ALK: variants seen among roughly 807,000 people sequenced by gnomAD.
ALK encodes ALK tyrosine kinase receptor.
A neutral mutation model predicts 163.1 loss-of-function variants in ALK; 74 were observed. The observed-to-expected ratio is 0.45, with a 90% CI of 0.38 to 0.55. The LOEUF (loss-of-function observed/expected upper bound fraction) is 0.55, where lower values mean the gene tolerates loss of function less well. Among genes scored for constraint, ALK ranks in the 20% least tolerant of loss-of-function variants. The probability of loss-of-function intolerance (pLI) is 0.00; values close to 1 mark genes in which losing one functional copy is unlikely to be tolerated. For missense variants in ALK, 2,063 were observed against 2,105.3 expected (o/e 0.98, Z 0.39); for synonymous variants, 960 against 843.2 (o/e 1.14, Z -2.40).
chr2:29,716,272 G>A (rs1341178374), intron 2 of ALK, among the ~76,000 whole-genome samples: 1 of 152,162 alleles, frequency 6.6e-6, no homozygotes, highest in African/African-American at 2.4e-5. Context: ...ATAAATATGA[G>A]GCTGGTGCAA....
intron 2 of ALK, among the ~76,000 whole-genome samples, chr2:29,713,196 C>A (rs892316896): frequency 6.6e-6 from 1 of 152,178 alleles, no homozygotes; most frequent in African/African-American, 2.4e-5. Flanking sequence ...CCTGTGTTTT[C>A]TCTTCTTATA....
chr2:29,565,729 C>T (rs1674163335), intron 3 of ALK, among the ~76,000 whole-genome samples: 1 of 152,180 alleles, frequency 6.6e-6, no homozygotes, highest in South Asian at 2.1e-4. Flanking sequence ...CGCCTCAGCA[C>T]ACTGCACAGC....
intron 4 of ALK, among the ~76,000 whole-genome samples, chr2:29,436,162 GTC>G (rs1387224375): frequency 2.6e-5 from 4 of 152,146 alleles, no homozygotes; most frequent in African/African-American, 9.7e-5. Context: ...GAAACAAAGA[GTC>G]TCTACTACTT....
chr2:29,688,521 G>A (rs1044443470), intron 3 of ALK, among the ~76,000 whole-genome samples: 8 of 152,156 alleles, frequency 5.3e-5, no homozygotes, highest in Non-Finnish European at 1.2e-4. Flanking sequence ...GCATACAACA[G>A]AATAAAGTTT....
intron 8 of ALK, among the ~76,000 whole-genome samples, chr2:29,306,019 T>C (rs1052938302): frequency 2.0e-5 from 3 of 152,012 alleles, no homozygotes; most frequent in Non-Finnish European, 4.4e-5. Context: ...GAAGTTTTGC[T>C]CACTTGCCTG....
At chr2:29,303,099 A>G (rs191369527) in intron 8 of ALK, among the ~76,000 whole-genome samples, 22 of 152,320 alleles carry the variant, frequency 1.4e-4, no homozygotes, top group Non-Finnish European at 7.3e-5. Flanking sequence ...AATGGGAGAA[A>G]ATATTTGCAA....
chr2:29,303,003 A>T (rs746974634), intron 8 of ALK, among the ~76,000 whole-genome samples: 49 of 152,336 alleles, frequency 3.2e-4, no homozygotes, highest in Admixed American at 2.2e-3. Context: ...CAAATGCAAC[A>T]AAAACAAAAA....
rs1573303300 is a variant in ALK at position 29,383,732 on chromosome 2, C to T, written c.1282G>A (p.Gly428Arg). ...GCGTGGGAAAGCCAGATTCAGATAC[C>T]TTCACTGCAGTTCTTCAGGGCAAAG... ...DFFALKNCSE[G>R]TSPGSKMALQ... The change falls in exon 5 of 29, where the codon GGA (glycine) becomes AGA (arginine). Residue 428 changes from glycine (G) to arginine (R), a missense_variant and splice_region_variant. By Grantham distance (125) the Gly-to-Arg change is moderately radical (BLOSUM62 -2). Coordinates refer to ENST00000389048, the MANE Select transcript of ALK (RefSeq NM_004304.5). 6.2e-7 allele frequency: 1 copy of T among 1,614,074 alleles called. No individual in the cohort carries two copies. Among genetic ancestry groups the T allele is most frequent in the Non-Finnish European group, 8.5e-7 (1 of 1,179,980 alleles).
chr2:29,570,347 T>G (rs1183562912), intron 3 of ALK, among the ~76,000 whole-genome samples: 1 of 152,218 alleles, frequency 6.6e-6, no homozygotes, highest in African/African-American at 2.4e-5. Flanking sequence ...TATGTAGTCA[T>G]CTGTGCCTAT....
At chr2:29,207,381 T>C (rs947282557) in intron 25 of ALK, 109 bp from the exon 26 acceptor site, 4 of 838,258 alleles carry the variant, frequency 4.8e-6, no homozygotes, top group Admixed American at 3.9e-5. Context: ...CCATTAAAGG[T>C]CTGAAATTAA....
intron 8 of ALK, among the ~76,000 whole-genome samples, chr2:29,317,732 C>T (rs1380332093): frequency 6.6e-6 from 1 of 152,170 alleles, no homozygotes; most frequent in African/African-American, 2.4e-5. Context: ...TGAGCTTAAT[C>T]ACTGTACCAT....
At chr2:29,612,806 G>C (rs1416381585) in intron 3 of ALK, among the ~76,000 whole-genome samples, 1 of 152,176 alleles carries the variant, frequency 6.6e-6, no homozygotes, top group African/African-American at 2.4e-5. Context: ...GACAGAAAGA[G>C]GCAGCTGTGC....
At chr2:29,344,584 C>G (rs1390947125) in intron 5 of ALK, among the ~76,000 whole-genome samples, 2 of 152,216 alleles carry the variant, frequency 1.3e-5, no homozygotes, top group African/African-American at 4.8e-5. Context: ...ATCCTGGAGC[C>G]CACACACCTC....
intron 1 of ALK, among the ~76,000 whole-genome samples, chr2:29,893,954 T>C (rs1186294518): frequency 3.3e-5 from 5 of 152,104 alleles, no homozygotes; most frequent in African/African-American, 7.2e-5. Context: ...AATTCAGTAG[T>C]TCTACAAAAA....
intron 1 of ALK, among the ~76,000 whole-genome samples, chr2:29,733,440 G>A (rs1470773411): frequency 6.6e-6 from 1 of 152,142 alleles, no homozygotes; most frequent in African/African-American, 2.4e-5. Context: ...ATGTCAGGCT[G>A]GCCTGAACTC....
At chr2:29,812,428 G>A (rs192337928) in intron 1 of ALK, among the ~76,000 whole-genome samples, 54 of 152,174 alleles carry the variant, frequency 3.5e-4, no homozygotes, top group African/African-American at 1.2e-3. Flanking sequence ...ATTAGGTCTC[G>A]GGGCACTGGG....
At chr2:29,420,362 A>G (rs1669987205) in intron 4 of ALK, among the ~76,000 whole-genome samples, 1 of 151,478 alleles carries the variant, frequency 6.6e-6, no homozygotes, top group Non-Finnish European at 1.5e-5. Flanking sequence ...TTTAAATGCT[A>G]CTTAGAATTG....
At chr2:29,717,477 G>A (rs1300991056) in intron 2 of ALK, 101 bp downstream of exon 2, 62 of 1,412,204 alleles carry the variant, frequency 4.4e-5, no homozygotes, top group Non-Finnish European at 6.2e-5. Context: ...GGGAGCTGAG[G>A]GAATGCCCTG....
intron 1 of ALK, among the ~76,000 whole-genome samples, chr2:29,917,879 T>C (rs1247405100): frequency 6.6e-6 from 1 of 152,236 alleles, no homozygotes; most frequent in Non-Finnish European, 1.5e-5. Flanking sequence ...GGCAGAATCC[T>C]GGCTCCTACT....
Sources: allele counts gnomAD v4.1 joint callset (sites outside exome capture counted in the v4.1 genomes callset), GRCh38; gene constraint gnomAD v4.1.1; transcripts MANE v1.5; gene names NCBI Gene and HGNC (gene_info 2026-07-23, HGNC 2026-07-21).